LPP: variants seen among roughly 807,000 people sequenced by gnomAD.
The protein encoded by LPP is lipoma-preferred partner.
In LPP, 38 loss-of-function variants were observed where a neutral mutation model predicts 60.4. The observed-to-expected ratio is 0.63, with a 90% CI of 0.49 to 0.83. LPP has a LOEUF of 0.83. Ranked by LOEUF, LPP falls within the 40% of genes least tolerant of loss-of-function variation. The pLI, the probability that LPP is intolerant of heterozygous loss-of-function variation, is 0.00. For synonymous variants in LPP, 328 were observed against 290.8 expected (o/e 1.13, Z -1.30); for missense variants, 902 against 783.6 (o/e 1.15, Z -1.80).
intron 2 of LPP, among the ~76,000 whole-genome samples, chr3:188,283,984 A>T (rs1743051970): frequency 6.6e-6 from 1 of 151,876 alleles, no homozygotes; most frequent in African/African-American, 2.4e-5. Context: ...CTCAAAAAAA[A>T]TAATAAAAAT....
At chr3:188,381,909 G>A (rs114166139) in intron 3 of LPP, among the ~76,000 whole-genome samples, 4,117 of 151,806 alleles carry the variant, frequency 0.027, 187 homozygotes, top group African/African-American at 0.096. Flanking sequence ...AGCCTCCAGA[G>A]TAGCTCTGAC....
At chr3:188,238,541 T>C (rs2149421519) in intron 2 of LPP, among the ~76,000 whole-genome samples, 1 of 152,184 alleles carries the variant, frequency 6.6e-6, no homozygotes, top group South Asian at 2.1e-4. Context: ...TTCGAAACCA[T>C]TGTAGGGTTA....
intron 6 of LPP, among the ~76,000 whole-genome samples, chr3:188,595,395 C>T (rs573585937): frequency 6.4e-4 from 97 of 152,232 alleles, no homozygotes; most frequent in African/African-American, 2.3e-3. Context: ...ATGAATGAAC[C>T]CCCATCAGTC....
At chr3:188,501,605 C>T (rs559976189) in intron 5 of LPP, among the ~76,000 whole-genome samples, 7 of 152,190 alleles carry the variant, frequency 4.6e-5, no homozygotes, top group East Asian at 1.9e-4. Flanking sequence ...AAAAATTAGC[C>T]GGGCGTGGTG....
At chr3:188,702,036 G>C (rs1218201845) in intron 7 of LPP, among the ~76,000 whole-genome samples, 1 of 134,040 alleles carries the variant, frequency 7.5e-6, no homozygotes, top group Non-Finnish European at 1.5e-5. Context: ...TGCAACCTCT[G>C]CCTCCTGGGT....
intron 5 of LPP, among the ~76,000 whole-genome samples, chr3:188,490,679 C>T (rs1405360652): frequency 1.3e-5 from 2 of 150,612 alleles, no homozygotes; most frequent in Non-Finnish European, 3.0e-5. Flanking sequence ...TTCCTACTTA[C>T]TAATTTTATG....
intron 8 of LPP, among the ~76,000 whole-genome samples, chr3:188,736,773 AATAT>A (rs1434841082): frequency 6.6e-6 from 1 of 151,858 alleles, no homozygotes; most frequent in African/African-American, 2.4e-5. Context: ...TTTCTATATA[AATAT>A]ATATCTATAT....
At chr3:188,719,421 A>G (rs970659822) in intron 8 of LPP, among the ~76,000 whole-genome samples, 1 of 152,222 alleles carries the variant, frequency 6.6e-6, no homozygotes, top group Non-Finnish European at 1.5e-5. Context: ...TTGGTGTTTC[A>G]TACCGTCTTG....
At chr3:188,569,982 G>A (rs1833135972) in intron 6 of LPP, among the ~76,000 whole-genome samples, 1 of 149,848 alleles carries the variant, frequency 6.7e-6, no homozygotes, top group South Asian at 2.1e-4. Flanking sequence ...ATCTACTTTA[G>A]TGGTAGTCAG....
intron 7 of LPP, among the ~76,000 whole-genome samples, chr3:188,692,607 A>C (rs963489734): frequency 3.3e-5 from 5 of 152,154 alleles, no homozygotes; most frequent in African/African-American, 1.2e-4. Context: ...AAAACATTTT[A>C]CTTCGGATTG....
intron 7 of LPP, among the ~76,000 whole-genome samples, chr3:188,668,554 C>T (rs1020735519): frequency 3.9e-5 from 6 of 152,022 alleles, no homozygotes; most frequent in Admixed American, 3.3e-4. Flanking sequence ...TTATAACAGC[C>T]GAGATGTAAT....
intron 6 of LPP, among the ~76,000 whole-genome samples, chr3:188,566,545 G>A (rs953637340): frequency 6.6e-6 from 1 of 151,778 alleles, no homozygotes; most frequent in Non-Finnish European, 1.5e-5. Context: ...ATCTCTTAAT[G>A]TGTTCCTTTG....
At chr3:188,333,525 A>G (rs1760726784) in intron 2 of LPP, among the ~76,000 whole-genome samples, 1 of 152,212 alleles carries the variant, frequency 6.6e-6, no homozygotes. Context: ...AATTATAAAT[A>G]TTAAACTAAG....
chr3:188,381,141 G>A (rs1776769820), intron 3 of LPP, among the ~76,000 whole-genome samples: 1 of 152,186 alleles, frequency 6.6e-6, no homozygotes, highest in African/African-American at 2.4e-5. Flanking sequence ...ACATGTCTAA[G>A]ATGGTCCTGT....
At chr3:188,599,098 A>G (rs1164594783) in intron 6 of LPP, among the ~76,000 whole-genome samples, 3 of 152,120 alleles carry the variant, frequency 2.0e-5, no homozygotes, top group African/African-American at 7.2e-5. Flanking sequence ...CCAGTGCTGG[A>G]CACATGCATG....
At chr3:188,868,461 C>A (rs940548538) in intron 10 of LPP, among the ~76,000 whole-genome samples, 1 of 152,116 alleles carries the variant, frequency 6.6e-6, no homozygotes, top group Non-Finnish European at 1.5e-5. Flanking sequence ...AAAATTAAAA[C>A]CCCCAGATAA....
intron 5 of LPP, among the ~76,000 whole-genome samples, chr3:188,495,808 C>T (rs968726434): frequency 6.6e-6 from 1 of 152,142 alleles, no homozygotes. Flanking sequence ...ACAGAAACAC[C>T]TTGTTCTGAA....
chr3:188,285,314 C>T (rs992471419), intron 2 of LPP, among the ~76,000 whole-genome samples: 6 of 152,098 alleles, frequency 3.9e-5, no homozygotes, highest in Non-Finnish European at 8.8e-5. Context: ...GTTTCTCTCC[C>T]GTGGGTTGTG....
chr3:188,729,726 C>G (rs1217231345), intron 8 of LPP, among the ~76,000 whole-genome samples: 1 of 151,976 alleles, frequency 6.6e-6, no homozygotes, highest in South Asian at 2.1e-4. Flanking sequence ...CTTATAATCC[C>G]AGCCCTTTGG....
Sources: gnomAD v4.1 joint callset for allele counts (sites outside exome capture counted in the v4.1 genomes callset) on GRCh38, gnomAD v4.1.1 for gene constraint, MANE v1.5 for transcripts, NCBI Gene and HGNC (gene_info 2026-07-23, HGNC 2026-07-21) for gene names.